WDR59: variants seen among roughly 807,000 people sequenced by gnomAD.
The protein encoded by WDR59 is WD repeat domain 59.
In WDR59, 100 loss-of-function variants were observed where a neutral mutation model predicts 131.2. The observed-to-expected ratio is 0.76, with a 90% CI of 0.65 to 0.90. WDR59 has a LOEUF of 0.90. WDR59 is among the 40% of genes least tolerant of loss of function. The pLI, the probability that WDR59 is intolerant of heterozygous loss-of-function variation, is 0.00. For missense variants in WDR59, 1,203 were observed against 1,262.2 expected (o/e 0.95, Z 0.71); for synonymous variants, 601 against 466.2 (o/e 1.29, Z -3.72).
chr16:74,940,480 G>C lies in WDR59; in HGVS notation c.535-2214C>G, dbSNP rs187035925. Reference sequence around the variant, plus strand: ...ATCAATAAATGTAAAACTCTTAAAAGAAGGCCTATGTACAATAAATGCTCA... The same window carrying C: ...ATCAATAAATGTAAAACTCTTAAAACAAGGCCTATGTACAATAAATGCTCA... On this transcript the variant is annotated intron_variant, in intron 7 of 25. Coordinates refer to ENST00000262144, the MANE Select transcript of WDR59 (RefSeq NM_030581.4). Among the ~76,000 whole-genome samples the C allele has an allele frequency of 7.2e-4, 109 of 151,676 alleles. 2 individuals are homozygous for C. Among genetic ancestry groups the C allele is most frequent in the Middle Eastern group, 3.4e-3 (1 of 292 alleles).
chr16:74,879,838 G>C (rs956175920), intron 25 of WDR59, among the ~76,000 whole-genome samples: 2 of 152,114 alleles, frequency 1.3e-5, no homozygotes, highest in African/African-American at 4.8e-5. Context: ...AGAACAATGG[G>C]TAAGTACCAC....
chr16:74,976,535 G>C (rs766118065), intron 1 of WDR59, among the ~76,000 whole-genome samples: 26 of 150,426 alleles, frequency 1.7e-4, no homozygotes, highest in South Asian at 1.5e-3. Flanking sequence ...TCCACCTTTT[G>C]GGTTCGAGCG....
At chr16:74,906,112 A>G (rs967709156) in intron 17 of WDR59, among the ~76,000 whole-genome samples, 4 of 151,746 alleles carry the variant, frequency 2.6e-5, no homozygotes, top group Non-Finnish European at 4.4e-5. Context: ...CAGCAGATCG[A>G]GACCATCCTG....
chr16:74,923,330 C>T (rs1183088437), intron 9 of WDR59, among the ~76,000 whole-genome samples: 2 of 152,086 alleles, frequency 1.3e-5, no homozygotes, highest in Non-Finnish European at 2.9e-5. Context: ...ATTCACAGAC[C>T]TCAAGCCTCC....
chr16:74,938,468 T>A (rs1229067609), intron 7 of WDR59, among the ~76,000 whole-genome samples: 1 of 152,192 alleles, frequency 6.6e-6, no homozygotes, highest in African/African-American at 2.4e-5. Context: ...TCACATGCTC[T>A]GAAAATGCGC....
chr16:74,983,866 C>T (rs190487090), intron 1 of WDR59, among the ~76,000 whole-genome samples: 1 of 138,324 alleles, frequency 7.2e-6, no homozygotes, highest in Non-Finnish European at 1.7e-5. Context: ...GTAGTCTCAG[C>T]TACTGGGGAG....
At chr16:74,930,331 G>C (rs2031268513) in intron 8 of WDR59, among the ~76,000 whole-genome samples, 1 of 152,002 alleles carries the variant, frequency 6.6e-6, no homozygotes, top group African/African-American at 2.4e-5. Context: ...ACACCTACTA[G>C]CTACCCATAA....
chr16:74,905,045 G>T (rs907380120), intron 17 of WDR59, among the ~76,000 whole-genome samples: 2 of 152,144 alleles, frequency 1.3e-5, no homozygotes, highest in African/African-American at 2.4e-5. Context: ...AATCTATAAA[G>T]CTTTCATTTT....
chr16:74,938,207 G>C lies in WDR59; in HGVS notation c.594C>G (p.Asp198Glu). The C allele has an allele frequency of 1.9e-6, 3 of 1,569,452 alleles. No individual in the cohort carries two copies. The South Asian group carries it at 3.5e-5, about 18-fold the overall frequency. ...AAHLSKIHGLDWHPDSEHILA... is the reference protein window; with the variant it reads ...AAHLSKIHGLEWHPDSEHILA... ...GAATGTGCTCGCTGTCTGGGTGCCA[G>C]TCCAGGCCATGGATTTTGGAGAGGT... The change falls in exon 8 of 26, where the codon GAC becomes GAG. Residue 198 changes from aspartate (D) to glutamate (E), a missense_variant. By Grantham distance (45) the Asp-to-Glu change is conservative. Coordinates refer to ENST00000262144, the MANE Select transcript of WDR59 (RefSeq NM_030581.4).
At chr16:74,974,893 G>A (rs1168903995) in intron 1 of WDR59, among the ~76,000 whole-genome samples, 1 of 152,174 alleles carries the variant, frequency 6.6e-6, no homozygotes, top group Non-Finnish European at 1.5e-5. Context: ...CTTCGGCCTG[G>A]TTTCCTTCTG....
intron 9 of WDR59, 122 bp downstream of exon 9, chr16:74,923,804 T>G: frequency 1.1e-6 from 1 of 913,646 alleles, no homozygotes. Context: ...GTCCCACCAC[T>G]AAACCAACAG....
At chr16:74,970,617 C>T (rs2033946474) in intron 1 of WDR59, among the ~76,000 whole-genome samples, 1 of 151,100 alleles carries the variant, frequency 6.6e-6, no homozygotes, top group Admixed American at 6.6e-5. Flanking sequence ...CCACAGCTTG[C>T]TGTGTTTAGT....
intron 18 of WDR59, 148 bp downstream of exon 18, chr16:74,903,799 A>C: frequency 9.4e-7 from 1 of 1,067,444 alleles, no homozygotes; most frequent in Non-Finnish European, 1.3e-6. Context: ...ACTGAAAGGA[A>C]CAAAGTAATG....
intron 4 of WDR59, among the ~76,000 whole-genome samples, chr16:74,950,126 G>A (rs2032909793): frequency 6.6e-6 from 1 of 152,118 alleles, no homozygotes; most frequent in Non-Finnish European, 1.5e-5. Context: ...CAGATCACTT[G>A]AGGTCACAAG....
In WDR59 at chr16:74,889,776, C is replaced by T; in HGVS notation, c.2122G>A (p.Gly708Ser). The T allele has an allele frequency of 6.2e-7, 1 of 1,614,036 alleles. No homozygotes were observed. Residue 708 changes from glycine (G) to serine (S), a missense_variant, in exon 21 of 26, where the codon GGT (glycine) becomes AGT (serine). Coordinates refer to ENST00000262144, the MANE Select transcript of WDR59 (RefSeq NM_030581.4). ...LATVATDLCL[G>S]PKSDPDLETP... ...TCCAAATCTGGGTCAGATTTCGGAC[C>T]AAGGCAAAGATCTGTAGCTACCGTA... is the stretch of plus-strand genomic sequence containing the variant.
chr16:74,907,424 T>C (rs4887790), intron 17 of WDR59, among the ~76,000 whole-genome samples: 54,453 of 152,008 alleles, frequency 0.36, 9,781 homozygotes, highest in Middle Eastern at 0.4. Context: ...TTGATGGTTT[T>C]ATAAGATCTG....
At chr16:74,972,816 T>C (rs1292245543) in intron 1 of WDR59, among the ~76,000 whole-genome samples, 1 of 90,316 alleles carries the variant, frequency 1.1e-5, no homozygotes, top group African/African-American at 4.8e-5. Context: ...AGCAGGACTC[T>C]GTCTTAAAAA....
chr16:74,946,046 T>C (rs1408644209), intron 6 of WDR59, among the ~76,000 whole-genome samples: 1 of 151,930 alleles, frequency 6.6e-6, no homozygotes, highest in Non-Finnish European at 1.5e-5. Flanking sequence ...ACTCCTGACC[T>C]CAGGTGATCC....
In WDR59 at chr16:74,914,834, C is replaced by T. The variant is rs1052702934; in HGVS notation, c.1224+1036G>A. The stretch of plus-strand genomic sequence containing the variant: ...GTGTCGATCTCTTCACCTTGTGATC[C>T]GTCTACCTTGGCCTCCCAAAGTGCT... On this transcript the variant is annotated intron_variant, in intron 13 of 25. Transcript: ENST00000262144. Among the ~76,000 whole-genome samples the T allele has an allele frequency of 2.6e-5, 4 of 152,234 alleles. No individual in the cohort carries two copies. In the East Asian group the frequency reaches 5.8e-4, roughly 22 times the overall value.
Sources: allele counts gnomAD v4.1 joint callset (sites outside exome capture counted in the v4.1 genomes callset), GRCh38; gene constraint gnomAD v4.1.1; transcripts MANE v1.5; gene names NCBI Gene and HGNC (gene_info 2026-07-23, HGNC 2026-07-21).